PGCKA1: variants seen among roughly 807,000 people sequenced by gnomAD.
PGCKA1 encodes PDCD10 and GCKIII kinases associated 1.
chr4:37,494,471 C>T, the PGCKA1 span, among the ~76,000 whole-genome samples: 1 of 152,192 alleles, frequency 6.6e-6, no homozygotes, highest in Non-Finnish European at 1.5e-5. Context: ...CCTTTTTACA[C>T]TTGCATAATA....
the PGCKA1 span, among the ~76,000 whole-genome samples, chr4:37,488,146 T>C: frequency 6.6e-6 from 1 of 152,190 alleles, no homozygotes; most frequent in South Asian, 2.1e-4. Flanking sequence ...AATTTCCAAA[T>C]CCTTTCAAGT....
the PGCKA1 span, among the ~76,000 whole-genome samples, chr4:37,478,225 C>T: frequency 6.9e-6 from 1 of 144,718 alleles, no homozygotes; most frequent in Non-Finnish European, 1.5e-5. Context: ...GTTTTTCTTC[C>T]TATGTTACCT....
chr4:37,466,777 T>C, the PGCKA1 span, among the ~76,000 whole-genome samples: 1 of 152,148 alleles, frequency 6.6e-6, no homozygotes, highest in Non-Finnish European at 1.5e-5. Flanking sequence ...TTGTTTGTGA[T>C]GAAAAAAATC....
chr4:37,580,732 C>T, the PGCKA1 span, among the ~76,000 whole-genome samples: 125 of 152,268 alleles, frequency 8.2e-4, no homozygotes, highest in Non-Finnish European at 1.4e-3. Flanking sequence ...TGGATCTTAC[C>T]CAGGGCCCTC....
chr4:37,540,138 G>A, the PGCKA1 span, among the ~76,000 whole-genome samples: 2 of 152,196 alleles, frequency 1.3e-5, no homozygotes, highest in Non-Finnish European at 1.5e-5. Context: ...CGGTTCAGCT[G>A]CACTGATTAT....
the PGCKA1 span, among the ~76,000 whole-genome samples, chr4:37,577,525 G>T: frequency 6.6e-6 from 1 of 151,652 alleles, no homozygotes; most frequent in African/African-American, 2.4e-5. Context: ...CCAATCTTTT[G>T]TTGATCTTTT....
the PGCKA1 span, among the ~76,000 whole-genome samples, chr4:37,520,774 T>C: frequency 0.14 from 20,973 of 151,998 alleles, 1,527 homozygotes; most frequent in East Asian, 0.26. Flanking sequence ...CCCACCACCA[T>C]GCCTGGCTAA....
At chr4:37,472,047 G>C in the PGCKA1 span, among the ~76,000 whole-genome samples, 1 of 152,150 alleles carries the variant, frequency 6.6e-6, no homozygotes, top group African/African-American at 2.4e-5. Context: ...CTCCGTCTGG[G>C]CTGGTTCCTG....
chr4:37,571,456 G>A, the PGCKA1 span, among the ~76,000 whole-genome samples: 5 of 141,534 alleles, frequency 3.5e-5, no homozygotes, highest in Non-Finnish European at 7.6e-5. Flanking sequence ...TCCACCTCCC[G>A]GGTTCAAACG....
the PGCKA1 span, among the ~76,000 whole-genome samples, chr4:37,500,072 G>A: frequency 1.3e-5 from 2 of 151,678 alleles, no homozygotes; most frequent in Non-Finnish European, 2.9e-5. Context: ...ATAGGCGCCC[G>A]CCACCATGCC....
At chr4:37,563,820 C>G in the PGCKA1 span, among the ~76,000 whole-genome samples, 7 of 152,160 alleles carry the variant, frequency 4.6e-5, no homozygotes, top group Non-Finnish European at 7.3e-5. Flanking sequence ...AAGTTTCTTC[C>G]AGATGTCTGC....
At chr4:37,482,075 T>C in the PGCKA1 span, among the ~76,000 whole-genome samples, 1 of 152,214 alleles carries the variant, frequency 6.6e-6, no homozygotes, top group African/African-American at 2.4e-5. Context: ...TAAATCTCTT[T>C]CTCTTTGTAA....
At chr4:37,489,366 A>G in the PGCKA1 span, among the ~76,000 whole-genome samples, 1 of 152,160 alleles carries the variant, frequency 6.6e-6, no homozygotes, top group Non-Finnish European at 1.5e-5. Flanking sequence ...GATTTGCTCT[A>G]TATCATTGTT....
chr4:37,463,691 G>C, the PGCKA1 span, among the ~76,000 whole-genome samples: 3 of 152,054 alleles, frequency 2.0e-5, no homozygotes, highest in African/African-American at 4.8e-5. Flanking sequence ...AAGGCAGATA[G>C]AGAAGTCACA....
chr4:37,501,794 G>T, the PGCKA1 span, among the ~76,000 whole-genome samples: 1 of 152,180 alleles, frequency 6.6e-6, no homozygotes, highest in East Asian at 1.9e-4. Flanking sequence ...AATCCTTGCT[G>T]GAGAGGTAAT....
chr4:37,579,177 CCT>C, the PGCKA1 span, among the ~76,000 whole-genome samples: 83 of 152,194 alleles, frequency 5.5e-4, no homozygotes, highest in African/African-American at 2.0e-3. Flanking sequence ...AACTTCATCC[CCT>C]CACTTTTTAA....
chr4:37,519,931 TC>T, the PGCKA1 span, among the ~76,000 whole-genome samples: 1 of 152,214 alleles, frequency 6.6e-6, no homozygotes, highest in African/African-American at 2.4e-5. Context: ...TGAGGTATAA[TC>T]CTTCTACCCC....
the PGCKA1 span, among the ~76,000 whole-genome samples, chr4:37,462,109 T>C: frequency 2.0e-5 from 3 of 150,682 alleles, no homozygotes; most frequent in Admixed American, 1.3e-4. Context: ...GTTTTTCAGC[T>C]TTTGCTAAGA....
At chr4:37,561,330 T>TC in the PGCKA1 span, among the ~76,000 whole-genome samples, 2 of 152,104 alleles carry the variant, frequency 1.3e-5, no homozygotes, top group Non-Finnish European at 2.9e-5. Context: ...ATGAGTTGAA[T>TC]AGTTGAGAAG....
Sources: gnomAD v4.1 joint callset for allele counts (sites outside exome capture counted in the v4.1 genomes callset) on GRCh38, gnomAD v4.1.1 for gene constraint, MANE v1.5 for transcripts, NCBI Gene and HGNC (gene_info 2026-07-23, HGNC 2026-07-21) for gene names.